Variants in DDX52 observed in about 807,000 individuals in gnomAD.
DDX52 encodes DExD-box helicase 52, also known as probable ATP-dependent RNA helicase DDX52.
A neutral mutation model predicts 76.1 loss-of-function variants in DDX52; 59 were observed. The ratio of observed to expected loss-of-function variants is 0.78; its 90% confidence interval spans 0.63 to 0.96. The LOEUF (loss-of-function observed/expected upper bound fraction) is 0.96, where lower values mean the gene tolerates loss of function less well. DDX52 is among the 40% of genes least tolerant of loss of function. DDX52 has a pLI of 0.00. For missense variants in DDX52, 707 were observed against 703.9 expected (o/e 1.00, Z -0.05); for synonymous variants, 231 against 244.1 (o/e 0.95, Z 0.50).
At chr17:37,627,682 C>T (rs1321439069) in intron 6 of DDX52, among the ~76,000 whole-genome samples, 1 of 148,180 alleles carries the variant, frequency 6.7e-6, no homozygotes, top group African/African-American at 2.5e-5. Flanking sequence ...AGCTTATCTC[C>T]AAGTGGACAA....
Position 37,614,378 on chromosome 17 carries a change from T to G in DDX52, c.1743-25A>C, listed in dbSNP as rs59823735. 0.012 allele frequency: 19,503 copies of G among 1,600,136 alleles called. 1,613 individuals are homozygous for G. In the African/African-American group the frequency reaches 0.2, roughly 17 times the overall value. ...CCTGTAAAGAGCAAAGTAAGAAAAATTGAATAAAAAATTCTACGTATATTT... is the reference window on the plus strand; with the variant it reads ...CCTGTAAAGAGCAAAGTAAGAAAAAGTGAATAAAAAATTCTACGTATATTT... On this transcript the variant is annotated intron_variant, in intron 14 of 14. Coordinates refer to ENST00000617633, the MANE Select transcript of DDX52 (RefSeq NM_007010.5).
intron 8 of DDX52, among the ~76,000 whole-genome samples, chr17:37,625,104 C>T (rs1396852904): frequency 6.6e-6 from 1 of 152,032 alleles, no homozygotes; most frequent in Non-Finnish European, 1.5e-5. Context: ...CTCCCAAGCT[C>T]AAGCAATACT....
intron 14 of DDX52, among the ~76,000 whole-genome samples, chr17:37,617,284 C>T (rs773441778): frequency 2.6e-5 from 4 of 152,108 alleles, no homozygotes; most frequent in Non-Finnish European, 5.9e-5. Flanking sequence ...TGGTAATATC[C>T]TAGGCCATTG....
At chr17:37,639,955 T>C (rs2031111713) in intron 2 of DDX52, among the ~76,000 whole-genome samples, 1 of 152,178 alleles carries the variant, frequency 6.6e-6, no homozygotes. Context: ...ACTGCAGCAC[T>C]TAACAGCAAA....
chr17:37,641,973 G>A, intron 2 of DDX52, 137 bp downstream of exon 2: 2 of 1,030,704 alleles, frequency 1.9e-6, no homozygotes, highest in African/African-American at 1.6e-5. Flanking sequence ...TATTTCTAAT[G>A]ACAAATACCT....
chr17:37,615,751 G>A (rs1380412309), intron 14 of DDX52, among the ~76,000 whole-genome samples: 4 of 152,048 alleles, frequency 2.6e-5, no homozygotes, highest in South Asian at 2.1e-4. Context: ...GACTGGGCGC[G>A]GTGGGTCATG....
chr17:37,631,923 A>G, intron 4 of DDX52, 190 bp downstream of exon 4: 2 of 648,256 alleles, frequency 3.1e-6, no homozygotes, highest in South Asian at 2.1e-5. Flanking sequence ...AAAAGGAAGA[A>G]GATCACATCT....
rs373034938 is a variant in DDX52 at position 37,642,146 on chromosome 17, C to CCCT, written c.247_249dup (p.Arg83dup). 3.6e-4 allele frequency: 583 copies of CCCT among 1,614,062 alleles called. 2 individuals carry two copies. In the Middle Eastern group the frequency reaches 4.3e-3, roughly 12 times the overall value. On this transcript the variant is annotated inframe_insertion, in exon 2 of 15. Coordinates refer to ENST00000617633, the MANE Select transcript of DDX52 (RefSeq NM_007010.5). ...GTCTTCCTTTTTTTCTTGCTCTGCTCCCTCTTCCTTTCAGTTAGGCTCTCT... is the reference window on the plus strand; with the variant it reads ...GTCTTCCTTTTTTTCTTGCTCTGCTCCCTCCTCTTCCTTTCAGTTAGGCTCTCT...
intron 2 of DDX52, among the ~76,000 whole-genome samples, chr17:37,641,288 G>C (rs1039835650): frequency 1.3e-5 from 2 of 152,020 alleles, no homozygotes; most frequent in Non-Finnish European, 2.9e-5. Flanking sequence ...TGTAGTCCCA[G>C]GTACTTGGGA....
At chr17:37,634,528 G>C (rs1041049493) in intron 2 of DDX52, among the ~76,000 whole-genome samples, 1 of 151,612 alleles carries the variant, frequency 6.6e-6, no homozygotes, top group African/African-American at 2.4e-5. Context: ...TTACTCAGGA[G>C]GCTGAGGCAG....
chr17:37,615,355 C>G (rs913654732), intron 14 of DDX52, among the ~76,000 whole-genome samples: 1 of 152,070 alleles, frequency 6.6e-6, no homozygotes, highest in African/African-American at 2.4e-5. Flanking sequence ...CAAGTGTCTT[C>G]GAAGTCTTAG....
At position 37,632,285 on chromosome 17, in the gene DDX52, C is replaced by A; in HGVS notation, c.431G>T (p.Arg144Leu). 1 of 1,613,746 alleles carries A rather than the reference C, an allele frequency of 6.2e-7. No individual in the cohort carries two copies. The highest frequency in any genetic ancestry group is 8.5e-7 in the Non-Finnish European group (1 of 1,179,948). ...TTGGACGTGAATTTTGTGTTTATTCCGCAAGAAGTTTATCTGAAAAGTGAA... is the reference window on the plus strand; with the variant it reads ...TTGGACGTGAATTTTGTGTTTATTCAGCAAGAAGTTTATCTGAAAAGTGAA... ...NLRKEKINFL[R>L]NKHKIHVQGT... The change falls in exon 4 of 15, where the codon CGG (arginine) becomes CTG (leucine). Residue 144 changes from arginine to leucine, a missense_variant. Arg to Leu is a moderately radical substitution (Grantham distance 102, BLOSUM62 -2). Coordinates refer to ENST00000617633, the MANE Select transcript of DDX52 (RefSeq NM_007010.5).
intron 12 of DDX52, 81 bp from the exon 13 acceptor site, chr17:37,619,920 C>G (rs1326165793): frequency 9.3e-6 from 13 of 1,394,706 alleles, no homozygotes; most frequent in Non-Finnish European, 1.3e-5. Flanking sequence ...CACAACCTTA[C>G]AGGGAACTAA....
rs1411130630 is a variant in DDX52, at chr17:37,610,269, A to G, written c.*4027T>C. ...CTCCTGAGTAGCTGGGACCACAGGC[A>G]TGCACCACCACACCGGGCCAATTTT... On this transcript the variant is annotated 3_prime_UTR_variant, in exon 15 of 15. Coordinates refer to ENST00000617633, the MANE Select transcript of DDX52 (RefSeq NM_007010.5). 3 of 146,716 alleles carry G rather than the reference A, an allele frequency of 2.0e-5. No homozygotes were observed. The highest frequency in any genetic ancestry group is 6.9e-5 in the Admixed American group (1 of 14,454). 9.1% of individuals were successfully genotyped at this position (146,716 alleles called of 1,614,324 possible).
In DDX52 at chr17:37,624,407, T is replaced by C. The variant is rs373112783; in HGVS notation, c.1164A>G (p.Gln388=). The C allele has an allele frequency of 3.1e-6, 5 of 1,606,976 alleles. No individual in the cohort carries two copies. In the African/African-American group the frequency reaches 6.7e-5, roughly 21 times the overall value. The change falls in exon 9 of 15, where the codon CAA becomes CAG. Residue 388 remains glutamine (Q), a synonymous_variant. Coordinates refer to ENST00000617633, the MANE Select transcript of DDX52 (RefSeq NM_007010.5). ...TCTCAGATCCAACAAAGAGAAGCTC[T>C]TGTTCTACAGTTTCTACTGCAGAAT... ...ARNSAVETVE[Q]ELLFVGSETG...
Position 37,625,485 on chromosome 17 carries a change from C to T in DDX52, c.1136+410G>A, listed in dbSNP as rs1454002442. Among the ~76,000 whole-genome samples the T allele has an allele frequency of 2.0e-5, 3 of 152,066 alleles. No individual in the cohort carries two copies. In the East Asian group the frequency reaches 5.8e-4, roughly 29 times the overall value. On this transcript the variant is annotated intron_variant, in intron 8 of 14. Transcript: ENST00000617633. The stretch of plus-strand genomic sequence containing the variant: ...ATAATTTCTTTAAACTTTTTTCTGT[C>T]ACTGAGCATTTATTTAGCATAAAAT...
intron 8 of DDX52, 21 bp downstream of exon 8, chr17:37,625,874 T>A: frequency 6.2e-7 from 1 of 1,613,338 alleles, no homozygotes; most frequent in South Asian, 1.1e-5. Context: ...AGTGTGATAA[T>A]GTTGAGAAAC....
chr17:37,627,910 G>A (rs1205822560), intron 6 of DDX52, among the ~76,000 whole-genome samples: 2 of 151,920 alleles, frequency 1.3e-5, no homozygotes, highest in Non-Finnish European at 2.9e-5. Flanking sequence ...TAGGACTACA[G>A]GCATGCACCA....
intron 13 of DDX52, among the ~76,000 whole-genome samples, chr17:37,618,945 G>T (rs1413356573): frequency 6.6e-6 from 1 of 152,184 alleles, no homozygotes; most frequent in Non-Finnish European, 1.5e-5. Flanking sequence ...TATGTCCTGT[G>T]CCAACCTTAT....
Sources: allele counts gnomAD v4.1 joint callset (sites outside exome capture counted in the v4.1 genomes callset), GRCh38; gene constraint gnomAD v4.1.1; transcripts MANE v1.5; gene names NCBI Gene and HGNC (gene_info 2026-07-23, HGNC 2026-07-21).